The following RALGPS1 variants were observed in gnomAD, a reference collection of about 807,000 sequenced individuals.
The protein encoded by RALGPS1 is ras-specific guanine nucleotide-releasing factor RalGPS1.
Under a neutral mutation model 78.8 loss-of-function variants are expected in RALGPS1, and 19 were observed. That is an observed-to-expected ratio of 0.24 (90% CI 0.17 to 0.35). The LOEUF (loss-of-function observed/expected upper bound fraction) is 0.35, where lower values mean the gene tolerates loss of function less well. Ranked by LOEUF, RALGPS1 falls within the 10% of genes least tolerant of loss-of-function variation. The pLI, the probability that RALGPS1 is intolerant of heterozygous loss-of-function variation, is 1.00. For missense variants in RALGPS1, 454 were observed against 688.3 expected (o/e 0.66, Z 3.81); for synonymous variants, 228 against 256.3 (o/e 0.89, Z 1.06).
intron 1 of RALGPS1, among the ~76,000 whole-genome samples, chr9:126,918,017 G>T (rs2034354844): frequency 6.6e-6 from 1 of 152,198 alleles, no homozygotes; most frequent in African/African-American, 2.4e-5. Context: ...GGCCATAGTA[G>T]GTGCTCACCG....
intron 8 of RALGPS1, among the ~76,000 whole-genome samples, chr9:127,094,158 G>T (rs116846258): frequency 1.3e-5 from 2 of 152,066 alleles, no homozygotes; most frequent in Non-Finnish European, 2.9e-5. Context: ...CCTCTCACCC[G>T]CCTCACAGTT....
chr9:127,142,914 A>G (rs2057876553), intron 8 of RALGPS1, among the ~76,000 whole-genome samples: 2 of 152,246 alleles, frequency 1.3e-5, no homozygotes, highest in African/African-American at 4.8e-5. Context: ...CTTAATGATT[A>G]ATCAGGTAGT....
intron 1 of RALGPS1, among the ~76,000 whole-genome samples, chr9:126,950,463 A>G (rs2037706869): frequency 6.6e-6 from 1 of 152,198 alleles, no homozygotes; most frequent in Non-Finnish European, 1.5e-5. Flanking sequence ...ATGTTCTTCC[A>G]TTTGTTTGTA....
At chr9:127,126,495 A>C (rs935659846) in intron 8 of RALGPS1, among the ~76,000 whole-genome samples, 1 of 151,966 alleles carries the variant, frequency 6.6e-6, no homozygotes, top group Non-Finnish European at 1.5e-5. Context: ...TCCTTCTAGA[A>C]CCCCATTTAC....
chr9:127,200,364 C>T (rs373626287), intron 14 of RALGPS1, among the ~76,000 whole-genome samples: 2 of 152,348 alleles, frequency 1.3e-5, no homozygotes, highest in African/African-American at 4.8e-5. Context: ...CCTCAGCACT[C>T]CTGCACAACA....
chr9:127,103,090 A>G (rs542838042), intron 8 of RALGPS1, among the ~76,000 whole-genome samples: 52 of 152,364 alleles, frequency 3.4e-4, no homozygotes, highest in Admixed American at 9.8e-4. Context: ...CCAGCCACAC[A>G]TGGGTTGACA....
intron 5 of RALGPS1, among the ~76,000 whole-genome samples, chr9:127,040,754 A>G (rs144831594): frequency 7.8e-4 from 119 of 152,276 alleles, no homozygotes; most frequent in Middle Eastern, 3.4e-3. Flanking sequence ...GTGGAGGGGA[A>G]GATAGCAATC....
intron 4 of RALGPS1, among the ~76,000 whole-genome samples, chr9:127,000,091 CTT>C (rs1445491567): frequency 6.6e-6 from 1 of 152,092 alleles, no homozygotes; most frequent in African/African-American, 2.4e-5. Flanking sequence ...ATTTGTATCT[CTT>C]TGCTTTTTTT....
intron 8 of RALGPS1, among the ~76,000 whole-genome samples, chr9:127,097,444 A>G (rs533732654): frequency 5.1e-4 from 78 of 152,356 alleles, no homozygotes; most frequent in African/African-American, 1.7e-3. Context: ...CAAAAACACA[A>G]ATTCAAACAC....
At chr9:126,926,664 A>G (rs182197379) in intron 1 of RALGPS1, among the ~76,000 whole-genome samples, 253 of 152,162 alleles carry the variant, frequency 1.7e-3, no homozygotes, top group South Asian at 3.3e-3. Context: ...CTAAGAGGAG[A>G]GAAGGATTGT....
chr9:127,018,730 C>A (rs2045147357), intron 4 of RALGPS1, among the ~76,000 whole-genome samples: 1 of 151,802 alleles, frequency 6.6e-6, no homozygotes, highest in Non-Finnish European at 1.5e-5. Context: ...CATTTATTAT[C>A]AAGTATTATG....
At chr9:127,139,905 G>T (rs1475446353) in intron 8 of RALGPS1, among the ~76,000 whole-genome samples, 1 of 152,218 alleles carries the variant, frequency 6.6e-6, no homozygotes, top group Non-Finnish European at 1.5e-5. Flanking sequence ...TCTAATGCTT[G>T]TTAAGAATAG....
rs2062253762 is a variant in RALGPS1 at position 127,211,482 on chromosome 9, C to T, written c.1248-649C>T. ...AGGGGCATCCGAGAGGAAGAAAATC[C>T]CCGCTTTCTGGCTGAAGCAGCCAGT... On this transcript the variant is annotated intron_variant, in intron 14 of 18. Transcript: ENST00000259351. The surrounding 1 kb of genome is among the most constrained non-coding windows in gnomAD (Gnocchi z 5.0). Among the ~76,000 whole-genome samples, 1 of 152,152 alleles carries T rather than the reference C, an allele frequency of 6.6e-6. No individual in the cohort carries two copies. Among genetic ancestry groups the T allele is most frequent in the African/African-American group, 2.4e-5 (1 of 41,418 alleles).
chr9:126,975,555 T>A (rs2132583780), intron 3 of RALGPS1, among the ~76,000 whole-genome samples: 1 of 152,364 alleles, frequency 6.6e-6, no homozygotes, highest in Middle Eastern at 3.4e-3. Flanking sequence ...TCAAATCTCC[T>A]GTCTTTACAA....
chr9:127,146,702 C>T (rs1332511323), intron 8 of RALGPS1, among the ~76,000 whole-genome samples: 1 of 152,028 alleles, frequency 6.6e-6, no homozygotes, highest in African/African-American at 2.4e-5. Flanking sequence ...CACCACCATG[C>T]CTGGCTAATT....
At chr9:127,125,327 G>A (rs1469355708) in intron 8 of RALGPS1, among the ~76,000 whole-genome samples, 1 of 152,224 alleles carries the variant, frequency 6.6e-6, no homozygotes, top group Non-Finnish European at 1.5e-5. Flanking sequence ...GTGTAGCCCA[G>A]TACAGAGGAG....
chr9:126,933,468 C>T (rs2035983829), intron 1 of RALGPS1, among the ~76,000 whole-genome samples: 1 of 152,120 alleles, frequency 6.6e-6, no homozygotes, highest in Non-Finnish European at 1.5e-5. Context: ...GAGAGAAGAA[C>T]CAAGGGAGCG....
intron 1 of RALGPS1, among the ~76,000 whole-genome samples, chr9:126,929,607 A>G (rs559453096): frequency 5.9e-5 from 9 of 151,890 alleles, no homozygotes; most frequent in African/African-American, 1.4e-4. Context: ...ATGTGCCACC[A>G]CGCCCAGCTA....
intron 8 of RALGPS1, chr9:127,093,978 C>T: frequency 1.3e-6 from 2 of 1,575,932 alleles, no homozygotes; most frequent in Non-Finnish European, 1.7e-6. Context: ...CACCAGGCCG[C>T]ACCCCCAGCT....
Sources: gnomAD v4.1 joint callset for allele counts (sites outside exome capture counted in the v4.1 genomes callset) on GRCh38, gnomAD v4.1.1 for gene constraint, Gnocchi (gnomAD v3.1) non-coding constraint, MANE v1.5 for transcripts, NCBI Gene and HGNC (gene_info 2026-07-23, HGNC 2026-07-21) for gene names.